Variants in PMIS2 observed in about 807,000 individuals in gnomAD.
The protein encoded by PMIS2 is transmembrane protein PMIS2.
chr19:35,586,744 T>A (rs1245094617), intron 1 of PMIS2, among the ~76,000 whole-genome samples: 2 of 151,856 alleles, frequency 1.3e-5, no homozygotes, highest in Non-Finnish European at 2.9e-5. Flanking sequence ...AGTGCCCGGC[T>A]CATTTTTGTA....
exon 1 of PMIS2, chr19:35,586,195 G>A: frequency 5.0e-6 from 2 of 398,822 alleles, no homozygotes; most frequent in East Asian, 3.6e-5. Flanking sequence ...AGTACAAGGG[G>A]AAGCCTAGTG....
Position 35,586,870 on chromosome 19 carries a change from A to G in PMIS2, c.283-151A>G, listed in dbSNP as rs545596512. The G allele has an allele frequency of 1.8e-5, 7 of 397,552 alleles. No individual in the cohort carries two copies. The Admixed American group carries it at 3.1e-4, about 18-fold the overall frequency. The allele number at this position is 397,552 out of a possible 1,614,324, so 24.6% of individuals were successfully genotyped here. A position where few individuals can be genotyped will look rare whatever the true frequency, so the allele number is the denominator to read the frequency against. On this transcript the variant is annotated intron_variant, in intron 1 of 1. Coordinates refer to ENST00000646476, the Ensembl canonical transcript of PMIS2. ...TGGCATTACAGGCGTGAGCCACTGCACCCAGCCTACCCTGTCCTCCATTTG... is the reference window on the plus strand; with the variant it reads ...TGGCATTACAGGCGTGAGCCACTGCGCCCAGCCTACCCTGTCCTCCATTTG...
chr19:35,586,300 A>G (rs1348214496), exon 1 of PMIS2: 12 of 398,712 alleles, frequency 3.0e-5, no homozygotes. Context: ...CCTGCTCCCA[A>G]CGCGCCAGCT....
chr19:35,586,172 T>A lies in PMIS2; in HGVS notation c.-88T>A. 1 of 398,532 alleles carries A rather than the reference T, an allele frequency of 2.5e-6. No homozygotes were observed. Among genetic ancestry groups the A allele is most frequent in the East Asian group, 3.6e-5 (1 of 28,086 alleles). 24.7% of individuals were successfully genotyped at this position (398,532 alleles called of 1,614,324 possible). A position where few individuals can be genotyped will look rare whatever the true frequency, so the allele number is the denominator to read the frequency against. ...CTTCAGCCTTTGATGGTTTGGGTCC[T>A]GGGAGTCTGGTTAGTACAAGGGGAA... On this transcript the variant is annotated 5_prime_UTR_variant, in exon 1 of 2. Transcript: ENST00000646476.
At chr19:35,586,731 C>A (rs1035519063) in intron 1 of PMIS2, among the ~76,000 whole-genome samples, 190 bp downstream of exon 1, 1 of 152,054 alleles carries the variant, frequency 6.6e-6, no homozygotes, top group Non-Finnish European at 1.5e-5. Context: ...AGACATGAGC[C>A]ACAGTGCCCG....
At position 35,586,630 on chromosome 19, in the gene PMIS2, A is replaced by G. The variant is rs2071780919; in HGVS notation, c.282+89A>G. ...AGTCTCACTCTGTCCCCCAGGCTGG[A>G]GTGCAGTGGTGCAATCTCGGCTCAC... On this transcript the variant is annotated intron_variant, in intron 1 of 1. Transcript: ENST00000646476. 4 of 378,368 alleles carry G rather than the reference A, an allele frequency of 1.1e-5. No homozygotes were observed. The East Asian group carries it at 1.5e-4, about 14-fold the overall frequency. 23.4% of individuals were successfully genotyped at this position (378,368 alleles called of 1,614,324 possible).
chr19:35,586,279 C>T (rs1229824117), exon 1 of PMIS2: 1 of 398,950 alleles, frequency 2.5e-6, no homozygotes, highest in Non-Finnish European at 4.4e-6. Flanking sequence ...AAACCACCTT[C>T]TGCCACCCAG....
chr19:35,587,115 T>G lies in PMIS2; in HGVS notation c.377T>G (p.Leu126Ter). The stretch of plus-strand genomic sequence containing the variant: ...GGTGCATTCGTGGTAATGATTGGCT[T>G]AGGCATCATTTATGGCTTGGTCCTA... The change falls in exon 2 of 2, where the codon TTA becomes TGA. Residue 126 changes from leucine to a stop codon, truncating the protein, a stop_gained. Transcript: ENST00000646476. LOFTEE classifies it high-confidence loss of function. 2.5e-6 allele frequency: 1 copy of G among 398,600 alleles called. No individual in the cohort carries two copies. The highest frequency in any genetic ancestry group is 2.1e-5 in the African/African-American group (1 of 48,736). The allele number at this position is 398,600 out of a possible 1,614,324, so 24.7% of individuals were successfully genotyped here. A position where few individuals can be genotyped will look rare whatever the true frequency, so the allele number is the denominator to read the frequency against.
exon 1 of PMIS2, chr19:35,586,319 C>A (rs532354820): frequency 3.8e-5 from 15 of 398,240 alleles, no homozygotes; most frequent in African/African-American, 2.7e-4. Flanking sequence ...CTACCCCAGA[C>A]GCCCCCCCTA....
At position 35,586,422 on chromosome 19, in the gene PMIS2, G is replaced by T. The variant is rs1402546224; in HGVS notation, c.163G>T (p.Glu55Ter). Residue 55 changes from glutamate to a stop codon, truncating the protein, a stop_gained, in exon 1 of 2, where the codon GAG becomes TAG. Transcript: ENST00000646476. LOFTEE classifies it high-confidence loss of function. ...AGCTGAGGTGCCCCAGGAGCCGCAAGAGCCTACACAGACACCAGAGGAACT... is the reference window on the plus strand; with the variant it reads ...AGCTGAGGTGCCCCAGGAGCCGCAATAGCCTACACAGACACCAGAGGAACT... 2.5e-6 allele frequency: 1 copy of T among 398,674 alleles called. No individual in the cohort carries two copies. 24.7% of individuals were successfully genotyped at this position (398,674 alleles called of 1,614,324 possible).
Position 35,586,167 on chromosome 19 carries a change from G to A in PMIS2, c.-93G>A. 2 of 398,444 alleles carry A rather than the reference G, an allele frequency of 5.0e-6. No individual in the cohort carries two copies. Among genetic ancestry groups the A allele is most frequent in the Non-Finnish European group, 8.8e-6 (2 of 226,258 alleles). The allele number at this position is 398,444 out of a possible 1,614,324, so 24.7% of individuals were successfully genotyped here. A position where few individuals can be genotyped will look rare whatever the true frequency, so the allele number is the denominator to read the frequency against. ...CGAAGCTTCAGCCTTTGATGGTTTG[G>A]GTCCTGGGAGTCTGGTTAGTACAAG... On this transcript the variant is annotated 5_prime_UTR_variant, in exon 1 of 2. Coordinates refer to ENST00000646476, the Ensembl canonical transcript of PMIS2.
rs899989913 is a variant in PMIS2, at chr19:35,586,181, G to A, written c.-79G>A. 7.5e-6 allele frequency: 3 copies of A among 398,554 alleles called. No individual in the cohort carries two copies. In the South Asian group the frequency reaches 3.9e-4, roughly 52 times the overall value. The allele number at this position is 398,554 out of a possible 1,614,324, so 24.7% of individuals were successfully genotyped here. ...TTGATGGTTTGGGTCCTGGGAGTCTGGTTAGTACAAGGGGAAGCCTAGTGG... is the reference window on the plus strand; with the variant it reads ...TTGATGGTTTGGGTCCTGGGAGTCTAGTTAGTACAAGGGGAAGCCTAGTGG... On this transcript the variant is annotated 5_prime_UTR_variant, in exon 1 of 2. Coordinates refer to ENST00000646476, the Ensembl canonical transcript of PMIS2.
chr19:35,586,557 A>G lies in PMIS2; in HGVS notation c.282+16A>G, dbSNP rs944423297. The G allele has an allele frequency of 5.1e-6, 2 of 395,720 alleles. No individual in the cohort carries two copies. The highest frequency in any genetic ancestry group is 4.2e-5 in the African/African-American group (2 of 47,912). 24.5% of individuals were successfully genotyped at this position (395,720 alleles called of 1,614,324 possible). ...CTCTTATGAGGTAAAATAATGCCCAAGTCATAGCCCCCGTCCTTTTTTTTT... is the reference window on the plus strand; with the variant it reads ...CTCTTATGAGGTAAAATAATGCCCAGGTCATAGCCCCCGTCCTTTTTTTTT... On this transcript the variant is annotated intron_variant, in intron 1 of 1. Coordinates refer to ENST00000646476, the Ensembl canonical transcript of PMIS2.
intron 1 of PMIS2, 64 bp downstream of exon 1, chr19:35,586,605 A>G (rs2071780779): frequency 2.7e-6 from 1 of 369,678 alleles, no homozygotes; most frequent in South Asian, 1.6e-4. Context: ...TTTGAGACCC[A>G]GTCTCACTCT....
exon 1 of PMIS2, chr19:35,586,187 T>C: frequency 2.5e-6 from 1 of 398,734 alleles, no homozygotes; most frequent in Non-Finnish European, 4.4e-6. Context: ...GTCTGGTTAG[T>C]ACAAGGGGAA....
Position 35,586,561 on chromosome 19 carries a change from A to G in PMIS2, c.282+20A>G, listed in dbSNP as rs1309675126. 2 of 394,874 alleles carry G rather than the reference A, an allele frequency of 5.1e-6. No individual in the cohort carries two copies. The highest frequency in any genetic ancestry group is 8.9e-6 in the Non-Finnish European group (2 of 225,666). 24.5% of individuals were successfully genotyped at this position (394,874 alleles called of 1,614,324 possible). Reference sequence around the variant, plus strand: ...TATGAGGTAAAATAATGCCCAAGTCATAGCCCCCGTCCTTTTTTTTTTTTT... The same window carrying G: ...TATGAGGTAAAATAATGCCCAAGTCGTAGCCCCCGTCCTTTTTTTTTTTTT... On this transcript the variant is annotated intron_variant, in intron 1 of 1. Transcript: ENST00000646476.
At chr19:35,586,935 C>A in intron 1 of PMIS2, 41 bp from the exon 2 acceptor site, 1 of 398,684 alleles carries the variant, frequency 2.5e-6, no homozygotes, top group Non-Finnish European at 4.4e-6. Context: ...TGCATAGGGG[C>A]TTTCCCTCAG....
intron 1 of PMIS2, among the ~76,000 whole-genome samples, chr19:35,586,768 C>T (rs559156191): frequency 2.6e-5 from 4 of 151,904 alleles, no homozygotes; most frequent in Non-Finnish European, 4.4e-5. Flanking sequence ...TTAGTAGAGA[C>T]GGGGTTTCAC....
chr19:35,586,761 G>A (rs1171319466), intron 1 of PMIS2, among the ~76,000 whole-genome samples: 7 of 151,826 alleles, frequency 4.6e-5, no homozygotes. Context: ...TGTATTTTTA[G>A]TAGAGACGGG....
Sources: gnomAD v4.1 joint callset for allele counts (sites outside exome capture counted in the v4.1 genomes callset) on GRCh38, gnomAD v4.1.1 for gene constraint, MANE v1.5 for transcripts, NCBI Gene and HGNC (gene_info 2026-07-23, HGNC 2026-07-21) for gene names.